The following DCHS2 variants were observed in gnomAD, a reference collection of about 807,000 sequenced individuals.
DCHS2 encodes dachsous cadherin-related 2, also known as protocadherin-23.
A neutral mutation model predicts 182.4 loss-of-function variants in DCHS2; 142 were observed. The observed-to-expected ratio is 0.78, with a 90% CI of 0.68 to 0.89. The LOEUF (loss-of-function observed/expected upper bound fraction) is 0.89. Among genes scored for constraint, DCHS2 ranks in the 40% least tolerant of loss-of-function variants. The pLI, the probability that DCHS2 is intolerant of heterozygous loss-of-function variation, is 0.00. For synonymous variants in DCHS2, 1,740 were observed against 1,663.3 expected (o/e 1.05, Z -1.12); for missense variants, 4,319 against 4,198.6 (o/e 1.03, Z -0.79).
intron 13 of DCHS2, 67 bp downstream of exon 13, chr4:154,297,784 T>C (rs1168341240): frequency 1.0e-5 from 16 of 1,533,246 alleles, no homozygotes; most frequent in Non-Finnish European, 1.4e-5. Context: ...TCTTGTAGTA[T>C]AATCCGTACT....
At chr4:154,454,544 T>C (rs1734684301) in intron 1 of DCHS2, among the ~76,000 whole-genome samples, 1 of 152,216 alleles carries the variant, frequency 6.6e-6, no homozygotes, top group South Asian at 2.1e-4. Context: ...TTATGTTAGT[T>C]ATCACTAAAC....
chr4:154,361,181 A>G (rs1380359177), intron 3 of DCHS2, among the ~76,000 whole-genome samples: 1 of 152,176 alleles, frequency 6.6e-6, no homozygotes, highest in East Asian at 1.9e-4. Context: ...TAAAAGAGAT[A>G]GTTTGGGATG....
intron 1 of DCHS2, 54 bp from the exon 2 acceptor site, chr4:154,377,498 A>G (rs886632453): frequency 5.6e-6 from 8 of 1,435,262 alleles, no homozygotes; most frequent in Non-Finnish European, 7.7e-6. Flanking sequence ...ATTACTTTTC[A>G]GTCAGTCATG....
At chr4:154,277,630 C>CAAAAAAAAAAA (rs35543228) in intron 13 of DCHS2, among the ~76,000 whole-genome samples, 2 of 102,516 alleles carry the variant, frequency 2.0e-5, no homozygotes, top group Non-Finnish European at 4.0e-5. Flanking sequence ...GAAATCACAC[C>CAAAAAAAAAAA]AAAAAAAAAA....
In DCHS2 at chr4:154,290,523, A is replaced by G. The variant is rs1297444946; in HGVS notation, c.6463+7328T>C. On this transcript the variant is annotated intron_variant, in intron 13 of 19. Transcript: ENST00000357232. Reference sequence around the variant, plus strand: ...AGAACAGAACAAAGGGAATCACATTACCTGGCTTCAAATTATACTACAAAA... The same window carrying G: ...AGAACAGAACAAAGGGAATCACATTGCCTGGCTTCAAATTATACTACAAAA... 6.6e-5 allele frequency among the ~76,000 whole-genome samples: 10 copies of G among 152,230 alleles called. No homozygotes were observed. The East Asian group carries it at 1.9e-3, about 29-fold the overall frequency.
chr4:154,464,970 G>T (rs993210418), intron 1 of DCHS2, among the ~76,000 whole-genome samples: 2 of 152,184 alleles, frequency 1.3e-5, no homozygotes, highest in African/African-American at 4.8e-5. Context: ...TTCCTAAAGT[G>T]TTAGCACCCC....
At chr4:154,482,535 T>TC (rs1735961105) in intron 1 of DCHS2, among the ~76,000 whole-genome samples, 1 of 152,194 alleles carries the variant, frequency 6.6e-6, no homozygotes, top group Non-Finnish European at 1.5e-5. Context: ...AGACATCAAC[T>TC]CCTACAGGAC....
chr4:154,343,187 T>C (rs1319033243), intron 3 of DCHS2, among the ~76,000 whole-genome samples: 1 of 152,194 alleles, frequency 6.6e-6, no homozygotes, highest in African/African-American at 2.4e-5. Flanking sequence ...ACAGATAACA[T>C]CTGTTTGTCA....
intron 3 of DCHS2, chr4:154,357,193 CTT>C: frequency 1.3e-6 from 2 of 1,517,762 alleles, no homozygotes; most frequent in Non-Finnish European, 1.8e-6. Flanking sequence ...CTGACTCTGG[CTT>C]TTTTGGAGAA....
intron 1 of DCHS2, among the ~76,000 whole-genome samples, chr4:154,387,571 C>A (rs1018414413): frequency 2.0e-5 from 3 of 152,018 alleles, no homozygotes; most frequent in African/African-American, 7.2e-5. Context: ...ATAATGAAAT[C>A]ATTTAAAGTA....
At chr4:154,472,791 TACACATTCACATACAC>T (rs937567514) in intron 1 of DCHS2, among the ~76,000 whole-genome samples, 7 of 151,792 alleles carry the variant, frequency 4.6e-5, no homozygotes, top group African/African-American at 9.7e-5. Context: ...CACCCACACA[TACACATTCACATACAC>T]ACACATTCAC....
chr4:154,349,337 C>G (rs1038904888), intron 3 of DCHS2, among the ~76,000 whole-genome samples: 3 of 152,160 alleles, frequency 2.0e-5, no homozygotes, highest in Non-Finnish European at 4.4e-5. Flanking sequence ...ATCCCTCTCT[C>G]TCCTGATTTC....
chr4:154,273,898 T>A (rs1733709658), intron 13 of DCHS2, among the ~76,000 whole-genome samples: 1 of 151,986 alleles, frequency 6.6e-6, no homozygotes, highest in Non-Finnish European at 1.5e-5. Context: ...GCTATAGGAG[T>A]CTACCCTGCT....
intron 1 of DCHS2, among the ~76,000 whole-genome samples, chr4:154,448,964 C>T (rs1267467376): frequency 2.6e-5 from 4 of 152,126 alleles, no homozygotes; most frequent in Non-Finnish European, 5.9e-5. Context: ...ATGGTTAATG[C>T]GTGCCTCCTC....
rs192775139 is a variant in DCHS2 at position 154,298,437 on chromosome 4, G to T, written c.5877C>A (p.Asp1959Glu). Reference protein sequence around the residue: ...GTVVLVLSAVDKDEGLNGQTE... With the variant: ...GTVVLVLSAVEKDEGLNGQTE... ...TTTGCCCATTCAGGCCTTCATCCTT[G>T]TCCACAGCTGAAAGCACAAGAACCA... The change falls in exon 13 of 20, where the codon GAC (aspartate) becomes GAA (glutamate). Residue 1959 changes from aspartate to glutamate, a missense_variant. Coordinates refer to ENST00000357232, the MANE Select transcript of DCHS2 (RefSeq NM_001358235.2). The T allele has an allele frequency of 1.1e-5, 18 of 1,614,120 alleles. No individual in the cohort carries two copies. In the East Asian group the frequency reaches 3.8e-4, roughly 34 times the overall value.
intron 13 of DCHS2, among the ~76,000 whole-genome samples, chr4:154,279,550 G>A (rs979796463): frequency 2.6e-5 from 4 of 151,942 alleles, no homozygotes; most frequent in Non-Finnish European, 5.9e-5. Context: ...AACCACAATG[G>A]AATGAAACTC....
chr4:154,246,260 C>T (rs17031298), intron 16 of DCHS2, among the ~76,000 whole-genome samples: 1,966 of 152,162 alleles, frequency 0.013, 48 homozygotes, highest in African/African-American at 0.042. Flanking sequence ...CCCTCTTGCC[C>T]ATTACTCTGC....
chr4:154,412,898 T>A (rs1241014302), intron 1 of DCHS2, among the ~76,000 whole-genome samples: 1 of 152,220 alleles, frequency 6.6e-6, no homozygotes, highest in Non-Finnish European at 1.5e-5. Context: ...GCTTACTTAT[T>A]GCAACTATGC....
rs768225793 is a variant in DCHS2 at position 154,320,910 on chromosome 4, T to G, written c.4489A>C (p.Ser1497Arg). The G allele has an allele frequency of 6.8e-6, 11 of 1,614,070 alleles. No individual in the cohort carries two copies. The South Asian group carries it at 1.1e-4, about 16-fold the overall frequency. ...TCATTCTGATCTTCCACATCGATAC[T>G]AAGGAAGACTGTGCTACTCAGGGAA... is the stretch of plus-strand genomic sequence containing the variant. ...NLSLSSTVFL[S>R]IDVEDQNDHS... Residue 1497 changes from serine (S) to arginine (R), a missense_variant, in exon 9 of 20, where the codon AGT becomes CGT. Physicochemically the swap from Ser to Arg is moderately radical, Grantham distance 110. Transcript: ENST00000357232.
Sources: gnomAD v4.1 joint callset for allele counts (sites outside exome capture counted in the v4.1 genomes callset) on GRCh38, gnomAD v4.1.1 for gene constraint, MANE v1.5 for transcripts, NCBI Gene and HGNC (gene_info 2026-07-23, HGNC 2026-07-21) for gene names.